Variants in NIPAL2 observed in about 807,000 individuals in gnomAD.
NIPAL2 encodes NIPA like domain containing 2, also known as NIPA-like protein 2.
In NIPAL2, 43 loss-of-function variants were observed where a neutral mutation model predicts 48.9. That is an observed-to-expected ratio of 0.88 (90% confidence interval 0.69 to 1.13). The LOEUF is 1.13. Among genes scored for constraint, NIPAL2 ranks in the 50% most tolerant of loss-of-function variants. The probability of loss-of-function intolerance (pLI) is 0.00; values close to 1 mark genes in which losing one functional copy is unlikely to be tolerated. For synonymous variants in NIPAL2, 167 were observed against 174.6 expected, an observed-to-expected ratio of 0.96 and a Z score of 0.34; for missense variants, 446 against 461.4, an observed-to-expected ratio of 0.97 and a Z score of 0.31.
intron 1 of NIPAL2, among the ~76,000 whole-genome samples, chr8:98,270,897 C>A (rs373797872): frequency 1.8e-4 from 27 of 152,202 alleles, no homozygotes; most frequent in African/African-American, 6.3e-4. Context: ...GGGAGAGGTG[C>A]AGTTTTATTC....
At chr8:98,203,508 A>G (rs1246482867) in intron 7 of NIPAL2, among the ~76,000 whole-genome samples, 6 of 152,234 alleles carry the variant, frequency 3.9e-5, no homozygotes, top group Non-Finnish European at 1.5e-5. Context: ...CTGATTCATT[A>G]GGATAGACCC....
At chr8:98,210,414 A>G (rs1404041622) in intron 6 of NIPAL2, among the ~76,000 whole-genome samples, 1 of 151,982 alleles carries the variant, frequency 6.6e-6, no homozygotes, top group African/African-American at 2.4e-5. Context: ...ACTGGTTTCT[A>G]TTTTTGTTAT....
intron 6 of NIPAL2, among the ~76,000 whole-genome samples, chr8:98,206,348 A>G (rs1420740746): frequency 6.6e-6 from 1 of 150,582 alleles, no homozygotes; most frequent in Non-Finnish European, 1.5e-5. Context: ...GTATGTATGT[A>G]TTTGAAATAT....
chr8:98,205,476 GTGT>G (rs1810985706), intron 6 of NIPAL2, among the ~76,000 whole-genome samples: 1 of 148,140 alleles, frequency 6.8e-6, no homozygotes. Context: ...GTGTGACTGT[GTGT>G]TTTTTTTTTT....
chr8:98,208,256 T>C (rs985197211), intron 6 of NIPAL2, among the ~76,000 whole-genome samples: 2 of 152,204 alleles, frequency 1.3e-5, no homozygotes, highest in African/African-American at 4.8e-5. Context: ...TTTTTGAAAT[T>C]TGGCCCTCTC....
At chr8:98,221,357 CA>C (rs1811868091) in intron 5 of NIPAL2, among the ~76,000 whole-genome samples, 1 of 127,854 alleles carries the variant, frequency 7.8e-6, no homozygotes, top group African/African-American at 2.5e-5. Flanking sequence ...TTGATCTCAA[CA>C]AGGACTTTTT....
intron 3 of NIPAL2, among the ~76,000 whole-genome samples, chr8:98,244,580 TG>T (rs1813196571): frequency 3.1e-5 from 1 of 32,470 alleles, no homozygotes; most frequent in Non-Finnish European, 5.6e-5. Flanking sequence ...TGCGCTGTGG[TG>T]ATGAGAGGGT....
chr8:98,234,359 C>G (rs542559508), intron 4 of NIPAL2, among the ~76,000 whole-genome samples: 1 of 152,298 alleles, frequency 6.6e-6, no homozygotes, highest in Admixed American at 6.5e-5. Context: ...GATTAGTCAG[C>G]AAATCCCCCT....
In NIPAL2 at chr8:98,192,415, T is replaced by A. The variant is rs1306811483; in HGVS notation, c.*563A>T. The A allele has an allele frequency of 6.6e-6, 1 of 152,478 alleles. No individual in the cohort carries two copies. Among genetic ancestry groups the A allele is most frequent in the Non-Finnish European group, 1.5e-5 (1 of 68,228 alleles). 9.4% of individuals were successfully genotyped at this position (152,478 alleles called of 1,614,324 possible). On this transcript the variant is annotated 3_prime_UTR_variant, in exon 11 of 11. Transcript: ENST00000430223. ...CTGAATGCCATTTATAAATTCTAAT[T>A]TTAAAGAGACCCTTAATTTTCAAAG...
chr8:98,208,275 C>T (rs1021413930), intron 6 of NIPAL2, among the ~76,000 whole-genome samples: 2 of 152,150 alleles, frequency 1.3e-5, no homozygotes, highest in Non-Finnish European at 2.9e-5. Flanking sequence ...TCAATTCCCT[C>T]TTAGATTTTC....
At chr8:98,247,120 C>CAAGCATG (rs1813349827) in intron 3 of NIPAL2, among the ~76,000 whole-genome samples, 1 of 152,210 alleles carries the variant, frequency 6.6e-6, no homozygotes, top group Non-Finnish European at 1.5e-5. Context: ...TGAGTGTTCA[C>CAAGCATG]AAGCATGAAT....
chr8:98,269,335 G>A (rs574019955), intron 1 of NIPAL2, among the ~76,000 whole-genome samples: 106 of 152,286 alleles, frequency 7.0e-4, no homozygotes, highest in Non-Finnish European at 1.4e-3. Context: ...CTTACAAAAT[G>A]TATTTTTTAA....
chr8:98,219,340 G>A (rs1430895800), intron 5 of NIPAL2, among the ~76,000 whole-genome samples: 3 of 152,128 alleles, frequency 2.0e-5, no homozygotes, highest in East Asian at 1.9e-4. Context: ...GAAGACGTTG[G>A]AAGAGTGTGC....
intron 4 of NIPAL2, 27 bp from the exon 5 acceptor site, chr8:98,222,627 C>T: frequency 6.2e-7 from 1 of 1,609,896 alleles, no homozygotes; most frequent in Non-Finnish European, 8.5e-7. Flanking sequence ...AAAGAAAAAC[C>T]AAATTGAAAC....
intron 1 of NIPAL2, among the ~76,000 whole-genome samples, chr8:98,260,746 G>A (rs1477535464): frequency 6.6e-6 from 1 of 152,266 alleles, no homozygotes; most frequent in Non-Finnish European, 1.5e-5. Context: ...AAACAAAGCA[G>A]CCGGGAAGCT....
At chr8:98,256,450 T>A (rs1009853587) in intron 1 of NIPAL2, among the ~76,000 whole-genome samples, 1 of 152,072 alleles carries the variant, frequency 6.6e-6, no homozygotes, top group East Asian at 1.9e-4. Flanking sequence ...ATGCCTACAA[T>A]TCAACAACAA....
intron 3 of NIPAL2, chr8:98,252,166 A>G (rs2130828775): frequency 7.4e-6 from 2 of 270,646 alleles, no homozygotes; most frequent in Non-Finnish European, 6.8e-6. Context: ...CTTTTAGGTA[A>G]CTCATTAATG....
chr8:98,279,632 G>A (rs1036981797), intron 1 of NIPAL2, among the ~76,000 whole-genome samples: 11 of 152,150 alleles, frequency 7.2e-5, no homozygotes, highest in African/African-American at 2.4e-4. Context: ...AGGCACCCAG[G>A]TCAAGTCTGA....
At chr8:98,212,017 TA>T (rs1246182427) in intron 6 of NIPAL2, among the ~76,000 whole-genome samples, 1 of 152,184 alleles carries the variant, frequency 6.6e-6, no homozygotes, top group Non-Finnish European at 1.5e-5. Context: ...AGTCATATTA[TA>T]GAGTTTTTAA....
Sources: allele counts gnomAD v4.1 joint callset (sites outside exome capture counted in the v4.1 genomes callset), GRCh38; gene constraint gnomAD v4.1.1; transcripts MANE v1.5; gene names NCBI Gene and HGNC (gene_info 2026-07-23, HGNC 2026-07-21).